The following ERBB4 variants were observed in gnomAD, a reference collection of about 807,000 sequenced individuals.
ERBB4 encodes erb-b2 receptor tyrosine kinase 4, also known as receptor tyrosine-protein kinase erbB-4.
A neutral mutation model predicts 158.0 loss-of-function variants in ERBB4; 42 were observed. The observed-to-expected ratio is 0.27, with a 90% CI of 0.21 to 0.34. ERBB4 has a LOEUF of 0.34. Among genes scored for constraint, ERBB4 ranks in the 10% least tolerant of loss-of-function variants. ERBB4 has a pLI of 1.00. For synonymous variants in ERBB4, 583 were observed against 558.7 expected (o/e 1.04, Z -0.61); for missense variants, 1,333 against 1,624.1 (o/e 0.82, Z 3.08).
At chr2:212,119,178 C>T (rs2079667096) in intron 2 of ERBB4, among the ~76,000 whole-genome samples, 1 of 151,954 alleles carries the variant, frequency 6.6e-6, no homozygotes, top group South Asian at 2.1e-4. Context: ...AAATAATTTG[C>T]ACACAACTAA....
At chr2:212,072,636 G>A (rs148514279) in intron 2 of ERBB4, among the ~76,000 whole-genome samples, 14 of 152,056 alleles carry the variant, frequency 9.2e-5, no homozygotes, top group East Asian at 5.8e-4. Context: ...CGATCTACTC[G>A]TCAAATCTCA....
intron 12 of ERBB4, among the ~76,000 whole-genome samples, chr2:211,687,330 A>T (rs1159946836): frequency 6.6e-6 from 1 of 151,688 alleles, no homozygotes; most frequent in African/African-American, 2.4e-5. Flanking sequence ...AAGACAAGAA[A>T]AAACGAAAAA....
At chr2:212,340,504 T>A (rs111811536) in intron 1 of ERBB4, among the ~76,000 whole-genome samples, 12 of 152,022 alleles carry the variant, frequency 7.9e-5, no homozygotes, top group Non-Finnish European at 1.5e-4. Context: ...CATCTGGGGG[T>A]GATGATAGAC....
At chr2:212,330,530 T>C (rs10169878) in intron 1 of ERBB4, among the ~76,000 whole-genome samples, 14,767 of 151,874 alleles carry the variant, frequency 0.097, 1,137 homozygotes, top group African/African-American at 0.21. Flanking sequence ...GGTGGGAGGA[T>C]TGCTTGAGCC....
intron 1 of ERBB4, among the ~76,000 whole-genome samples, chr2:212,497,756 A>C (rs1690660048): frequency 6.6e-6 from 1 of 152,170 alleles, no homozygotes; most frequent in Non-Finnish European, 1.5e-5. Context: ...ACATGTACAC[A>C]ATTCCAAGAA....
intron 1 of ERBB4, among the ~76,000 whole-genome samples, chr2:212,371,163 C>G (rs1233836400): frequency 6.6e-6 from 1 of 152,128 alleles, no homozygotes; most frequent in African/African-American, 2.4e-5. Context: ...TTTTCCCCAG[C>G]CTATGGGTTT....
At chr2:211,526,034 AGG>A (rs1376164452) in intron 20 of ERBB4, among the ~76,000 whole-genome samples, 5 of 152,264 alleles carry the variant, frequency 3.3e-5, no homozygotes, top group Admixed American at 2.0e-4. Flanking sequence ...GACACCCTGA[AGG>A]GAAGAACATA....
Position 212,360,271 on chromosome 2 carries a change from A to ACT in ERBB4, c.82+178176_82+178177dup, listed in dbSNP as rs574747535. ...TAGCATGAGTCCAGAGTTAACTTCC[A>ACT]CTCTCTCTCAGCCCTTCTGTCACTG... is the stretch of plus-strand genomic sequence containing the variant. On this transcript the variant is annotated intron_variant, in intron 1 of 27. Coordinates refer to ENST00000342788, the MANE Select transcript of ERBB4 (RefSeq NM_005235.3). Among the ~76,000 whole-genome samples the ACT allele has an allele frequency of 5.3e-4, 81 of 151,432 alleles. No individual in the cohort carries two copies. In the South Asian group the frequency reaches 5.4e-3, roughly 10 times the overall value.
chr2:211,665,388 A>G lies in ERBB4; in HGVS notation c.1806T>C (p.Ser602=), dbSNP rs1222797796. 1 of 1,614,080 alleles carries G rather than the reference A, an allele frequency of 6.2e-7. No individual in the cohort carries two copies. The highest frequency in any genetic ancestry group is 2.2e-5 in the East Asian group (1 of 44,878). ...KCPDGLQGAN[S]FIFKYADPDR... ...CTGGATCAGCATACTTGAAAATGAA[A>G]CTGTTTGCCCCCTGTAAGCCATCTG... The change falls in exon 15 of 28, where the codon AGT becomes AGC. Residue 602 remains serine (S), a synonymous_variant. Transcript: ENST00000342788.
At chr2:212,531,468 TG>T (rs1436089629) in intron 1 of ERBB4, among the ~76,000 whole-genome samples, 1 of 152,146 alleles carries the variant, frequency 6.6e-6, no homozygotes, top group Admixed American at 6.5e-5. Flanking sequence ...GTTAGGGCCA[TG>T]ATGAAAGAGG....
At chr2:212,317,568 T>C (rs1050015802) in intron 1 of ERBB4, among the ~76,000 whole-genome samples, 1 of 151,616 alleles carries the variant, frequency 6.6e-6, no homozygotes, top group African/African-American at 2.4e-5. Flanking sequence ...ATCATTTTTG[T>C]ATTATACTAT....
At chr2:211,801,811 G>A (rs112192664) in intron 3 of ERBB4, among the ~76,000 whole-genome samples, 3 of 152,026 alleles carry the variant, frequency 2.0e-5, no homozygotes, top group Admixed American at 6.6e-5. Flanking sequence ...CATGTTCTAC[G>A]CCTAATTTAT....
chr2:212,418,095 G>A (rs2091701662), intron 1 of ERBB4, among the ~76,000 whole-genome samples: 1 of 151,916 alleles, frequency 6.6e-6, no homozygotes, highest in Non-Finnish European at 1.5e-5. Context: ...CTTGGTCTTG[G>A]ACTTTCCAGT....
chr2:211,383,241 TTA>T lies in ERBB4; in HGVS notation c.*372_*373del. The T allele has an allele frequency of 7.0e-6, 2 of 283,700 alleles. No homozygotes were observed. Among genetic ancestry groups the T allele is most frequent in the Non-Finnish European group, 1.3e-5 (2 of 153,822 alleles). The allele number at this position is 283,700 out of a possible 1,614,324, so 17.6% of individuals were successfully genotyped here. ...AGCATGGGTGTTTCAACCATCTGCT[TTA>T]AAAAAAAAAAAAAAAAAGAAGAGGA... On this transcript the variant is annotated 3_prime_UTR_variant, in exon 28 of 28. Coordinates refer to ENST00000342788, the MANE Select transcript of ERBB4 (RefSeq NM_005235.3).
At chr2:212,334,126 G>A (rs1334203437) in intron 1 of ERBB4, among the ~76,000 whole-genome samples, 1 of 151,978 alleles carries the variant, frequency 6.6e-6, no homozygotes, top group Non-Finnish European at 1.5e-5. Context: ...TCAGCTTTTT[G>A]AGGTTCTCTA....
At chr2:211,801,001 T>G (rs185635316) in intron 3 of ERBB4, among the ~76,000 whole-genome samples, 1 of 152,360 alleles carries the variant, frequency 6.6e-6, no homozygotes, top group African/African-American at 2.4e-5. Context: ...AATTTATCTC[T>G]ATGTGCTTTA....
chr2:211,487,927 T>C (rs2065247268), intron 20 of ERBB4, among the ~76,000 whole-genome samples: 1 of 152,106 alleles, frequency 6.6e-6, no homozygotes, highest in Admixed American at 6.5e-5. Flanking sequence ...TCCAAGGCTT[T>C]GGAAGAACAA....
chr2:211,967,910 A>G (rs1266551686), intron 2 of ERBB4, among the ~76,000 whole-genome samples: 1 of 151,976 alleles, frequency 6.6e-6, no homozygotes. Flanking sequence ...CATTTAGAAT[A>G]CGATTATGTC....
At chr2:212,430,044 T>C (rs1391750295) in intron 1 of ERBB4, among the ~76,000 whole-genome samples, 2 of 152,192 alleles carry the variant, frequency 1.3e-5, no homozygotes, top group African/African-American at 2.4e-5. Context: ...TTAGACATTA[T>C]AGTTGTTGGA....
Sources: gnomAD v4.1 joint callset for allele counts (sites outside exome capture counted in the v4.1 genomes callset) on GRCh38, gnomAD v4.1.1 for gene constraint, MANE v1.5 for transcripts, NCBI Gene and HGNC (gene_info 2026-07-23, HGNC 2026-07-21) for gene names.